Variants in ATF7IP observed in about 807,000 individuals in gnomAD.
ATF7IP encodes activating transcription factor 7-interacting protein 1.
ATF7IP carries 23 observed loss-of-function variants against 106.4 expected under a neutral mutation model. The ratio of observed to expected loss-of-function variants is 0.22; its 90% CI spans 0.16 to 0.31. The LOEUF is 0.31. ATF7IP is among the 10% of genes least tolerant of loss of function. The probability of loss-of-function intolerance (pLI) is 1.00; values close to 1 mark genes in which losing one functional copy is unlikely to be tolerated. For missense variants in ATF7IP, 1,334 were observed against 1,524.3 expected (o/e 0.88, Z 2.08); for synonymous variants, 542 against 539.0 (o/e 1.01, Z -0.08).
At chr12:14,494,605 G>C (rs1165309055) in intron 13 of ATF7IP, among the ~76,000 whole-genome samples, 1 of 148,216 alleles carries the variant, frequency 6.7e-6, no homozygotes, top group African/African-American at 2.5e-5. Context: ...TATATAAAGG[G>C]GAGTTTATTA....
intron 1 of ATF7IP, among the ~76,000 whole-genome samples, chr12:14,376,462 A>G (rs894797987): frequency 2.6e-5 from 4 of 152,234 alleles, no homozygotes; most frequent in African/African-American, 9.6e-5. Flanking sequence ...TAAAATACAG[A>G]AATACATCCC....
intron 1 of ATF7IP, among the ~76,000 whole-genome samples, chr12:14,405,567 AC>A (rs1412885168): frequency 1.3e-5 from 2 of 151,712 alleles, no homozygotes; most frequent in Non-Finnish European, 2.9e-5. Context: ...GGTGTGCACC[AC>A]CACACCCTGC....
At chr12:14,379,511 T>C (rs1432029070) in intron 1 of ATF7IP, among the ~76,000 whole-genome samples, 6 of 152,142 alleles carry the variant, frequency 3.9e-5, no homozygotes, top group African/African-American at 1.4e-4. Context: ...GCTATGTCTT[T>C]TTATTGATTT....
chr12:14,457,442 A>G, intron 8 of ATF7IP, 147 bp downstream of exon 8: 1 of 627,382 alleles, frequency 1.6e-6, no homozygotes, highest in South Asian at 2.1e-5. Flanking sequence ...ATTCAGGATC[A>G]AACTGGGTAT....
chr12:14,430,108 G>A (rs1018199119), intron 2 of ATF7IP, among the ~76,000 whole-genome samples: 3 of 152,140 alleles, frequency 2.0e-5, no homozygotes, highest in African/African-American at 4.8e-5. Flanking sequence ...GGGGAGATAA[G>A]GAAGAACCAA....
At chr12:14,408,116 G>GCACA (rs56229725) in intron 1 of ATF7IP, among the ~76,000 whole-genome samples, 56,990 of 148,862 alleles carry the variant, frequency 0.38, 10,899 homozygotes, top group Admixed American at 0.49. Flanking sequence ...ATATTGATGT[G>GCACA]CACACACACA....
At chr12:14,469,376 A>C (rs1385995364) in intron 10 of ATF7IP, among the ~76,000 whole-genome samples, 4 of 151,660 alleles carry the variant, frequency 2.6e-5, no homozygotes, top group East Asian at 3.9e-4. Flanking sequence ...AAAAAAAAAA[A>C]AAAAAAACTT....
intron 1 of ATF7IP, among the ~76,000 whole-genome samples, chr12:14,378,476 C>T (rs1938856079): frequency 6.6e-6 from 1 of 152,110 alleles, no homozygotes; most frequent in Non-Finnish European, 1.5e-5. Context: ...ATATTAAAAC[C>T]TTTCACAGGA....
At chr12:14,484,106 C>A (rs1050516698) in intron 13 of ATF7IP, among the ~76,000 whole-genome samples, 3 of 152,158 alleles carry the variant, frequency 2.0e-5, no homozygotes, top group Non-Finnish European at 4.4e-5. Context: ...GCTAGCTGAT[C>A]ACCCCGAGGA....
chr12:14,485,151 C>A (rs1173543954), intron 13 of ATF7IP, among the ~76,000 whole-genome samples: 1 of 152,046 alleles, frequency 6.6e-6, no homozygotes, highest in Admixed American at 6.6e-5. Flanking sequence ...GTCCAAGTGG[C>A]AGAACAGCTT....
intron 13 of ATF7IP, among the ~76,000 whole-genome samples, chr12:14,494,834 G>A (rs1269896483): frequency 6.6e-6 from 1 of 150,626 alleles, no homozygotes; most frequent in Non-Finnish European, 1.5e-5. Context: ...TTGGGAGGCT[G>A]AGGCAGGAGA....
chr12:14,382,200 A>G (rs534906442), intron 1 of ATF7IP, among the ~76,000 whole-genome samples: 2 of 152,306 alleles, frequency 1.3e-5, no homozygotes, highest in African/African-American at 2.4e-5. Context: ...AAATAAACGA[A>G]AAAACAAAAA....
chr12:14,378,140 C>G (rs1428716269), intron 1 of ATF7IP, among the ~76,000 whole-genome samples: 2 of 150,688 alleles, frequency 1.3e-5, no homozygotes, highest in Non-Finnish European at 3.0e-5. Context: ...CTCTGTCGCC[C>G]AGGCTGGAGT....
chr12:14,383,694 A>G (rs1939091096), intron 1 of ATF7IP, among the ~76,000 whole-genome samples: 1 of 152,136 alleles, frequency 6.6e-6, no homozygotes. Context: ...CTGGAACTAC[A>G]GGTTCATATT....
At chr12:14,447,098 G>T in intron 6 of ATF7IP, 45 bp downstream of exon 6, 8 of 1,406,180 alleles carry the variant, frequency 5.7e-6, no homozygotes, top group Admixed American at 2.2e-5. Flanking sequence ...AGCACTAAGT[G>T]GTAATCTTAG....
In ATF7IP at chr12:14,460,558, C is replaced by T; in HGVS notation, c.2222C>T (p.Pro741Leu). Reference protein sequence around the residue: ...VVSSQPKLQTPVTSGSLTATS... With the variant: ...VVSSQPKLQTLVTSGSLTATS... ...AGTAGTCAACCTAAATTGCAGACTCCAGTGACTTCGGGTTCCCTCACAGCA... is the reference window on the plus strand; with the variant it reads ...AGTAGTCAACCTAAATTGCAGACTCTAGTGACTTCGGGTTCCCTCACAGCA... Residue 741 changes from proline (P) to leucine (L), a missense_variant, in exon 9 of 15, where the codon CCA becomes CTA. Pro to Leu is a moderately conservative substitution (Grantham distance 98, BLOSUM62 -3). Transcript: ENST00000261168. 1 of 1,614,200 alleles carries T rather than the reference C, an allele frequency of 6.2e-7. No individual in the cohort carries two copies. Among genetic ancestry groups the T allele is most frequent in the Non-Finnish European group, 8.5e-7 (1 of 1,180,034 alleles).
At chr12:14,418,122 A>G (rs1941296281) in intron 1 of ATF7IP, among the ~76,000 whole-genome samples, 1 of 152,056 alleles carries the variant, frequency 6.6e-6, no homozygotes, top group Non-Finnish European at 1.5e-5. Context: ...TTTAAAAATA[A>G]TTTACCAAAA....
At position 14,457,203 on chromosome 12, in the gene ATF7IP, A is replaced by G. The variant is rs777214468; in HGVS notation, c.2070-4A>G. On this transcript the variant is annotated splice_polypyrimidine_tract_variant and splice_region_variant and intron_variant, in intron 7 of 14. Transcript: ENST00000261168. ...GACTATTGGTGTGTATATGTATTTCATAGAAATGCAGGCACAGTGAGACAG... is the reference window on the plus strand; with the variant it reads ...GACTATTGGTGTGTATATGTATTTCGTAGAAATGCAGGCACAGTGAGACAG... 6.6e-5 allele frequency: 106 copies of G among 1,608,176 alleles called. No homozygotes were observed. Among genetic ancestry groups the G allele is most frequent in the Non-Finnish European group, 8.8e-5 (104 of 1,175,244 alleles).
At chr12:14,418,399 T>G (rs1941313612) in intron 1 of ATF7IP, among the ~76,000 whole-genome samples, 1 of 152,216 alleles carries the variant, frequency 6.6e-6, no homozygotes, top group African/African-American at 2.4e-5. Context: ...AATGCTTTTT[T>G]CTGTGAAAAT....
Sources: allele counts gnomAD v4.1 joint callset (sites outside exome capture counted in the v4.1 genomes callset), GRCh38; gene constraint gnomAD v4.1.1; transcripts MANE v1.5; gene names NCBI Gene and HGNC (gene_info 2026-07-23, HGNC 2026-07-21).